PCDH9: variants seen among roughly 807,000 people sequenced by gnomAD.
PCDH9 encodes the protein protocadherin 9.
In PCDH9, 24 loss-of-function variants were observed where a neutral mutation model predicts 70.6. That is an observed-to-expected ratio of 0.34 (90% CI 0.25 to 0.48). The LOEUF is 0.48. PCDH9 is among the 20% of genes least tolerant of loss of function. PCDH9 has a pLI of 0.99. For missense variants in PCDH9, 1,281 were observed against 1,503.6 expected, an observed-to-expected ratio of 0.85 and a Z score of 2.45; for synonymous variants, 562 against 558.5, an observed-to-expected ratio of 1.01 and a Z score of -0.09.
intron 4 of PCDH9, among the ~76,000 whole-genome samples, chr13:66,623,527 C>T (rs2077458697): frequency 6.6e-6 from 1 of 151,336 alleles, no homozygotes; most frequent in Non-Finnish European, 1.5e-5. Context: ...CAAGCTCAAA[C>T]TCCAAGGCTC....
chr13:66,317,477 G>A (rs1463338296), intron 4 of PCDH9, among the ~76,000 whole-genome samples: 2 of 152,138 alleles, frequency 1.3e-5, no homozygotes, highest in Non-Finnish European at 2.9e-5. Flanking sequence ...AAGGGACTGG[G>A]AATTCCCCAA....
intron 2 of PCDH9, among the ~76,000 whole-genome samples, chr13:66,943,858 T>C (rs1162092187): frequency 6.6e-6 from 1 of 152,100 alleles, no homozygotes; most frequent in Non-Finnish European, 1.5e-5. Flanking sequence ...GGAAGCTTGC[T>C]TGAAACAAGA....
chr13:66,336,531 A>G (rs1214456788), intron 4 of PCDH9, among the ~76,000 whole-genome samples: 1 of 152,106 alleles, frequency 6.6e-6, no homozygotes, highest in East Asian at 1.9e-4. Flanking sequence ...TGTTAATATA[A>G]AATAGCCTAT....
At chr13:66,534,945 G>C (rs895091391) in intron 4 of PCDH9, among the ~76,000 whole-genome samples, 5 of 151,938 alleles carry the variant, frequency 3.3e-5, no homozygotes, top group Non-Finnish European at 7.4e-5. Flanking sequence ...TAAAACAGTG[G>C]CTCACCTTTT....
At chr13:67,117,815 T>G (rs960113135) in intron 2 of PCDH9, among the ~76,000 whole-genome samples, 2 of 152,140 alleles carry the variant, frequency 1.3e-5, no homozygotes, top group African/African-American at 2.4e-5. Flanking sequence ...TATAAAAATG[T>G]CATATCTCAA....
At chr13:67,045,346 T>C (rs1248653662) in intron 2 of PCDH9, among the ~76,000 whole-genome samples, 1 of 152,126 alleles carries the variant, frequency 6.6e-6, no homozygotes, top group Non-Finnish European at 1.5e-5. Context: ...TTTAGCGTAT[T>C]GTACAATTTC....
chr13:67,121,841 C>T (rs932667067), intron 2 of PCDH9, among the ~76,000 whole-genome samples: 1 of 151,796 alleles, frequency 6.6e-6, no homozygotes, highest in Non-Finnish European at 1.5e-5. Context: ...TTATCCTGTG[C>T]CTCCATTTCT....
At chr13:66,977,524 T>A (rs2083645247) in intron 2 of PCDH9, 2 of 152,146 alleles carry the variant, frequency 1.3e-5, no homozygotes, top group African/African-American at 4.8e-5. Context: ...ATTAAGTTAT[T>A]GCCCAAGGTA....
intron 3 of PCDH9, among the ~76,000 whole-genome samples, chr13:66,808,701 A>G (rs897956472): frequency 3.9e-5 from 6 of 152,286 alleles, no homozygotes; most frequent in African/African-American, 1.4e-4. Context: ...GAAATATGCT[A>G]GAGAATGCAT....
rs1956235932 is a variant in PCDH9, at chr13:66,347,891, T to C, written c.3341-42863A>G. 1.3e-5 allele frequency among the ~76,000 whole-genome samples: 2 copies of C among 152,192 alleles called. 1 individual carries two copies. Among genetic ancestry groups the C allele is most frequent in the South Asian group, 4.1e-4 (2 of 4,828 alleles). ...TGCTCTTCTACAAATCTGTGCTGTTTGACCTTACCTCCACTCGAGCTGCTA... is the reference window on the plus strand; with the variant it reads ...TGCTCTTCTACAAATCTGTGCTGTTCGACCTTACCTCCACTCGAGCTGCTA... On this transcript the variant is annotated intron_variant, in intron 4 of 4. Transcript: ENST00000377865.
intron 2 of PCDH9, among the ~76,000 whole-genome samples, chr13:66,910,673 G>A (rs183074067): frequency 1.3e-5 from 2 of 152,114 alleles, no homozygotes; most frequent in East Asian, 1.9e-4. Flanking sequence ...ACTTTTATAT[G>A]CTATTCCAAG....
rs1309846642 is a variant in PCDH9 at position 67,225,920 on chromosome 13, C to T, written c.2521G>A (p.Ala841Thr). 6.2e-7 allele frequency: 1 copy of T among 1,614,154 alleles called. No homozygotes were observed. Among genetic ancestry groups the T allele is most frequent in the East Asian group, 2.2e-5 (1 of 44,868 alleles). Reference sequence around the variant, plus strand: ...CTCTGAGCTGCTTTGAACCTTGATGCATGGCGACAGCGCACCAGAACGGTG... The same window carrying T: ...CTCTGAGCTGCTTTGAACCTTGATGTATGGCGACAGCGCACCAGAACGGTG... Reference protein sequence around the residue: ...FVTVLVRCRHASRFKAAQRSK... With the variant: ...FVTVLVRCRHTSRFKAAQRSK... Residue 841 changes from alanine to threonine, a missense_variant, in exon 2 of 5, where the codon GCA (alanine) becomes ACA (threonine). By Grantham distance (58) the Ala-to-Thr change is moderately conservative (BLOSUM62 0). Transcript: ENST00000377865.
intron 2 of PCDH9, among the ~76,000 whole-genome samples, chr13:67,021,609 G>C (rs769320489): frequency 6.6e-6 from 1 of 152,080 alleles, no homozygotes; most frequent in Admixed American, 6.6e-5. Context: ...GCCCAGGCTG[G>C]AGTGCAGTGG....
chr13:67,121,742 A>C (rs1174872893), intron 2 of PCDH9, among the ~76,000 whole-genome samples: 1 of 152,198 alleles, frequency 6.6e-6, no homozygotes, highest in African/African-American at 2.4e-5. Context: ...AAGTTTAGAA[A>C]GTGGTCTGCA....
chr13:66,868,633 T>C (rs2139500792), intron 3 of PCDH9, among the ~76,000 whole-genome samples: 2 of 152,116 alleles, frequency 1.3e-5, no homozygotes, highest in East Asian at 3.9e-4. Flanking sequence ...GCATAGTAAA[T>C]AAAAACCAAC....
At chr13:66,488,483 A>G (rs912968007) in intron 4 of PCDH9, among the ~76,000 whole-genome samples, 2 of 152,206 alleles carry the variant, frequency 1.3e-5, no homozygotes, top group Admixed American at 6.5e-5. Flanking sequence ...AAAGTGATAA[A>G]TCGTGAAGCA....
At chr13:66,848,354 C>T (rs1044126135) in intron 3 of PCDH9, among the ~76,000 whole-genome samples, 2 of 152,108 alleles carry the variant, frequency 1.3e-5, no homozygotes, top group African/African-American at 4.8e-5. Flanking sequence ...ATTCAAGTGG[C>T]CATTCACATT....
intron 4 of PCDH9, among the ~76,000 whole-genome samples, chr13:66,429,478 C>A (rs1259539505): frequency 7.0e-6 from 1 of 143,696 alleles, no homozygotes; most frequent in Non-Finnish European, 1.5e-5. Flanking sequence ...AAAGACTATA[C>A]AAAAAATGTT....
At chr13:66,818,415 G>A (rs929679982) in intron 3 of PCDH9, among the ~76,000 whole-genome samples, 2 of 151,990 alleles carry the variant, frequency 1.3e-5, no homozygotes, top group African/African-American at 4.8e-5. Flanking sequence ...AATTTAATTA[G>A]TATTTAACTT....
Sources: gnomAD v4.1 joint callset for allele counts (sites outside exome capture counted in the v4.1 genomes callset) on GRCh38, gnomAD v4.1.1 for gene constraint, MANE v1.5 for transcripts, NCBI Gene and HGNC (gene_info 2026-07-23, HGNC 2026-07-21) for gene names.